Variants in PPARD observed in about 807,000 individuals in gnomAD.
PPARD encodes peroxisome proliferator activated receptor delta.
A neutral mutation model predicts 39.5 loss-of-function variants in PPARD; 6 were observed. The ratio of observed to expected loss-of-function variants is 0.15; its 90% CI spans 0.08 to 0.30. PPARD has a LOEUF of 0.30. Ranked by LOEUF, PPARD falls within the 10% of genes least tolerant of loss-of-function variation. The probability of loss-of-function intolerance (pLI) is 1.00; values close to 1 mark genes in which losing one functional copy is unlikely to be tolerated. For missense variants in PPARD, 397 were observed against 596.8 expected (o/e 0.67, Z 3.49); for synonymous variants, 210 against 231.3 (o/e 0.91, Z 0.83).
chr6:35,386,454 G>A (rs936033485), intron 2 of PPARD, among the ~76,000 whole-genome samples: 3 of 151,568 alleles, frequency 2.0e-5, no homozygotes, highest in Non-Finnish European at 2.9e-5. Flanking sequence ...TCATGCCACT[G>A]CATTCCAACC....
chr6:35,392,538 A>C (rs886777057), intron 2 of PPARD, among the ~76,000 whole-genome samples: 2 of 152,106 alleles, frequency 1.3e-5, no homozygotes, highest in Non-Finnish European at 2.9e-5. Flanking sequence ...AGATGGATGA[A>C]GGAAGGTATT....
At chr6:35,367,063 G>A (rs1207219666) in intron 2 of PPARD, among the ~76,000 whole-genome samples, 1 of 152,188 alleles carries the variant, frequency 6.6e-6, no homozygotes, top group East Asian at 1.9e-4. Context: ...GGGTGACTGG[G>A]GAGGTGAGGT....
chr6:35,426,213 A>C lies in PPARD; in HGVS notation c.*134A>C. 1.6e-6 allele frequency: 2 copies of C among 1,250,356 alleles called. No individual in the cohort carries two copies. Among genetic ancestry groups the C allele is most frequent in the Non-Finnish European group, 2.2e-6 (2 of 921,176 alleles). The allele number at this position is 1,250,356 out of a possible 1,614,324, so 77.5% of individuals were successfully genotyped here. ...GAGTCCCACGATCGCCCTCAGACAC[A>C]TGACACCCACGGCCTCTGGCTCCCT... is the stretch of plus-strand genomic sequence containing the variant. On this transcript the variant is annotated 3_prime_UTR_variant, in exon 8 of 8. Transcript: ENST00000360694.
At chr6:35,349,832 C>G (rs1372094837) in intron 2 of PPARD, among the ~76,000 whole-genome samples, 2 of 152,052 alleles carry the variant, frequency 1.3e-5, no homozygotes, top group African/African-American at 4.8e-5. Flanking sequence ...ACCTCCACCT[C>G]CTGGGTTCAA....
At chr6:35,387,074 CCA>C (rs1249744181) in intron 2 of PPARD, among the ~76,000 whole-genome samples, 3 of 151,964 alleles carry the variant, frequency 2.0e-5, no homozygotes, top group East Asian at 3.9e-4. Flanking sequence ...CAGTGTTGGC[CCA>C]CAGAGGGCCC....
Position 35,426,663 on chromosome 6 carries a change from C to A in PPARD, c.*584C>A, listed in dbSNP as rs200943709. 38 of 157,906 alleles carry A rather than the reference C, an allele frequency of 2.4e-4. 2 individuals carry two copies. Among genetic ancestry groups the A allele is most frequent in the South Asian group, 1.3e-3 (7 of 5,290 alleles). The allele number at this position is 157,906 out of a possible 1,614,324, so 9.8% of individuals were successfully genotyped here. A position where few individuals can be genotyped will look rare whatever the true frequency, so the allele number is the denominator to read the frequency against. ...GGCTAAGCATGGCCTGGACTGACTGCAGCCCCCTATAGTCATGGGGTCCCT... is the reference window on the plus strand; with the variant it reads ...GGCTAAGCATGGCCTGGACTGACTGAAGCCCCCTATAGTCATGGGGTCCCT... On this transcript the variant is annotated 3_prime_UTR_variant, in exon 8 of 8. Coordinates refer to ENST00000360694, the MANE Select transcript of PPARD (RefSeq NM_006238.5).
At chr6:35,405,782 ACCATGCCTGG>A in intron 2 of PPARD, among the ~76,000 whole-genome samples, 1 of 151,884 alleles carries the variant, frequency 6.6e-6, no homozygotes, top group African/African-American at 2.4e-5. Flanking sequence ...GGCGTGCGCC[ACCATGCCTGG>A]CTAATTTTTG....
rs184132065 is a variant in PPARD, at chr6:35,399,384, A to G, written c.-101-11603A>G. Among the ~76,000 whole-genome samples, 16 of 133,856 alleles carry G rather than the reference A, an allele frequency of 1.2e-4. No individual in the cohort carries two copies. In the East Asian group the frequency reaches 3.2e-3, roughly 27 times the overall value. 87.8% of individuals were successfully genotyped at this position (133,856 alleles called of 152,430 possible). A position where few individuals can be genotyped will look rare whatever the true frequency, so the allele number is the denominator to read the frequency against. ...CACTATACTCCAGCCTGGACGACAA[A>G]GTGAGACTCTGTCTCAAAAAAAAAA... On this transcript the variant is annotated intron_variant, in intron 2 of 7. Transcript: ENST00000360694.
chr6:35,410,194 TCTC>T (rs1765338063), intron 2 of PPARD, among the ~76,000 whole-genome samples: 1 of 152,186 alleles, frequency 6.6e-6, no homozygotes, highest in Admixed American at 6.5e-5. Context: ...GATCTTTTCT[TCTC>T]CTGATCCTTC....
intron 1 of PPARD, among the ~76,000 whole-genome samples, chr6:35,345,421 G>A (rs185539525): frequency 6.6e-5 from 10 of 152,168 alleles, no homozygotes; most frequent in African/African-American, 2.2e-4. Context: ...GAGTAGCGGG[G>A]ACTACAGGTG....
chr6:35,425,991 A>T lies in PPARD; in HGVS notation c.1238A>T (p.His413Leu). The T allele has an allele frequency of 1.2e-6, 2 of 1,614,138 alleles. No individual in the cohort carries two copies. Among genetic ancestry groups the T allele is most frequent in the Non-Finnish European group, 1.7e-6 (2 of 1,180,020 alleles). ...MADLRQLVTE[H>L]AQMMQRIKKT... ...GACCTGCGGCAACTGGTCACCGAGC[A>T]CGCCCAGATGATGCAGCGGATCAAG... Residue 413 changes from histidine to leucine, a missense_variant, in exon 8 of 8, where the codon CAC becomes CTC. His to Leu is a moderately conservative substitution (Grantham distance 99). Coordinates refer to ENST00000360694, the MANE Select transcript of PPARD (RefSeq NM_006238.5). This position sits in a 1 kb window ranked among gnomAD's most constrained non-coding sequence, Gnocchi z 4.5.
chr6:35,379,105 T>G (rs1159567449), intron 2 of PPARD, among the ~76,000 whole-genome samples: 1 of 150,242 alleles, frequency 6.7e-6, no homozygotes, highest in Non-Finnish European at 1.5e-5. Flanking sequence ...TCTTTTTTTT[T>G]TTTTTTTTCT....
At position 35,410,973 on chromosome 6, in the gene PPARD, TCTC is replaced by T; in HGVS notation, c.-101-10_-101-8del. The stretch of plus-strand genomic sequence containing the variant: ...TGCCTCCCCTGACCTCTTCCTGTCT[TCTC>T]CTCTGCCCAGGCTGATGGGAACCAC... On this transcript the variant is annotated splice_polypyrimidine_tract_variant and intron_variant, in intron 2 of 7. Coordinates refer to ENST00000360694, the MANE Select transcript of PPARD (RefSeq NM_006238.5). The T allele has an allele frequency of 7.9e-7, 1 of 1,270,044 alleles. No homozygotes were observed. Among genetic ancestry groups the T allele is most frequent in the Non-Finnish European group, 1.0e-6 (1 of 998,452 alleles). 78.7% of individuals were successfully genotyped at this position (1,270,044 alleles called of 1,614,324 possible).
At chr6:35,369,624 G>T (rs1463245643) in intron 2 of PPARD, among the ~76,000 whole-genome samples, 1 of 152,180 alleles carries the variant, frequency 6.6e-6, no homozygotes, top group Non-Finnish European at 1.5e-5. Flanking sequence ...TTTGAAACCT[G>T]CTTTAAACAT....
intron 2 of PPARD, among the ~76,000 whole-genome samples, chr6:35,372,635 T>G (rs1762567884): frequency 6.6e-6 from 1 of 152,234 alleles, no homozygotes; most frequent in South Asian, 2.1e-4. Flanking sequence ...CTCCACAGTT[T>G]GTCCTGGAGC....
At chr6:35,419,787 T>G (rs1469341021) in intron 3 of PPARD, among the ~76,000 whole-genome samples, 1 of 152,186 alleles carries the variant, frequency 6.6e-6, no homozygotes, top group African/African-American at 2.4e-5. Flanking sequence ...TCTCTCTTGC[T>G]TTCCTCCCAA....
At chr6:35,413,238 A>G (rs1208203709) in intron 3 of PPARD, among the ~76,000 whole-genome samples, 1 of 152,170 alleles carries the variant, frequency 6.6e-6, no homozygotes, top group African/African-American at 2.4e-5. Flanking sequence ...GTGACCTCTC[A>G]GGCAGCTTCG....
At chr6:35,388,003 C>T (rs9470012) in intron 2 of PPARD, among the ~76,000 whole-genome samples, 7,503 of 150,610 alleles carry the variant, frequency 0.05, 627 homozygotes, top group African/African-American at 0.17. Flanking sequence ...ATTACAGGTG[C>T]GAGCCACCAC....
chr6:35,417,776 C>T (rs183142120), intron 3 of PPARD, among the ~76,000 whole-genome samples: 48 of 151,752 alleles, frequency 3.2e-4, no homozygotes, highest in South Asian at 1.0e-3. Context: ...GTGATCCGCC[C>T]GCGTCGGCCT....
Sources: allele counts gnomAD v4.1 joint callset (sites outside exome capture counted in the v4.1 genomes callset), GRCh38; gene constraint gnomAD v4.1.1; non-coding constraint Gnocchi (gnomAD v3.1); transcripts MANE v1.5; gene names NCBI Gene and HGNC (gene_info 2026-07-23, HGNC 2026-07-21).